The following DMD variants were observed in gnomAD, a reference collection of about 807,000 sequenced individuals.
DMD encodes mutant dystrophin.
A neutral mutation model predicts 330.1 loss-of-function variants in DMD; 63 were observed. The ratio of observed to expected loss-of-function variants is 0.19; its 90% CI spans 0.16 to 0.24. DMD has a LOEUF of 0.24. Ranked by LOEUF, DMD falls within the 10% of genes least tolerant of loss-of-function variation. DMD has a pLI of 1.00. For missense variants in DMD, 3,344 were observed against 2,684.1 expected (o/e 1.25, Z -5.43); for synonymous variants, 1,223 against 959.8 (o/e 1.27, Z -5.07).
chrX:32,847,825 T>C lies in DMD; in HGVS notation c.186+1903A>G, dbSNP rs1296449130. 3.6e-5 allele frequency among the ~76,000 whole-genome samples: 4 copies of C among 112,435 alleles called. No individual in the cohort carries two copies. The East Asian group carries it at 1.1e-3, about 31-fold the overall frequency. ...GCTATTACTAATTAGGTTCATTTTG[T>C]CTTAGCGTCTATGTATGTATATGCA... On this transcript the variant is annotated intron_variant, in intron 3 of 78. Coordinates refer to ENST00000357033, the MANE Select transcript of DMD (RefSeq NM_004006.3).
At chrX:33,185,239 G>A (rs1357119858) in intron 1 of DMD, among the ~76,000 whole-genome samples, 1 of 111,285 alleles carries the variant, frequency 9.0e-6, no homozygotes, top group Non-Finnish European at 1.9e-5. Context: ...CTACAAAAAC[G>A]TTTTTAATAT....
chrX:31,700,026 A>G (rs1370151252), intron 52 of DMD, among the ~76,000 whole-genome samples: 1 of 110,278 alleles, frequency 9.1e-6, no homozygotes, highest in Non-Finnish European at 1.9e-5. Context: ...TCTGTACTAA[A>G]AATACAAAAA....
intron 2 of DMD, among the ~76,000 whole-genome samples, chrX:32,959,440 A>G (rs12390820): frequency 0.37 from 41,219 of 110,443 alleles, 6,738 homozygotes; most frequent in African/African-American, 0.64. Context: ...CATTGTCTTG[A>G]GGATTTTATC....
intron 4 of DMD, among the ~76,000 whole-genome samples, chrX:32,843,712 C>A (rs1336077069): frequency 9.0e-6 from 1 of 111,607 alleles, no homozygotes; most frequent in South Asian, 3.7e-4. Context: ...TAGGGAGCTA[C>A]TAAGTGCCTG....
chrX:32,435,531 A>C (rs770085087), intron 29 of DMD, among the ~76,000 whole-genome samples: 1 of 109,924 alleles, frequency 9.1e-6, no homozygotes, highest in South Asian at 4.0e-4. Flanking sequence ...ACTCAAAATC[A>C]CATAGCCAGT....
At chrX:33,216,647 T>C (rs1047159293) in intron 1 of DMD, among the ~76,000 whole-genome samples, 1 of 112,395 alleles carries the variant, frequency 8.9e-6, no homozygotes, top group Non-Finnish European at 1.9e-5. Flanking sequence ...TACAATTGTT[T>C]ACAGATGAAT....
At chrX:32,880,820 T>C (rs984492584) in intron 2 of DMD, among the ~76,000 whole-genome samples, 4 of 112,171 alleles carry the variant, frequency 3.6e-5, no homozygotes, top group African/African-American at 9.7e-5. Context: ...GACGCATGCC[T>C]GTAATCCCAG....
intron 2 of DMD, among the ~76,000 whole-genome samples, chrX:32,938,239 A>G (rs779800412): frequency 4.0e-4 from 45 of 111,733 alleles, no homozygotes; most frequent in African/African-American, 1.3e-3. Context: ...ATAATATTAT[A>G]TATGAAAAGG....
intron 73 of DMD, among the ~76,000 whole-genome samples, chrX:31,170,403 C>G (rs2039875571): frequency 9.0e-6 from 1 of 111,002 alleles, no homozygotes; most frequent in East Asian, 2.8e-4. Flanking sequence ...TAGGAACTCT[C>G]TAATACACAG....
chrX:31,873,872 C>A (rs1173929988), intron 48 of DMD, among the ~76,000 whole-genome samples: 4 of 111,519 alleles, frequency 3.6e-5, no homozygotes, highest in Non-Finnish European at 7.5e-5. Flanking sequence ...TTCTGGGTGT[C>A]TTGGTACTGT....
intron 55 of DMD, among the ~76,000 whole-genome samples, chrX:31,546,107 G>A (rs1163512657): frequency 8.9e-6 from 1 of 112,356 alleles, no homozygotes; most frequent in South Asian, 3.7e-4. Flanking sequence ...ATGGATTCCT[G>A]TATTAGATGA....
intron 37 of DMD, among the ~76,000 whole-genome samples, chrX:32,351,941 T>C (rs1230574992): frequency 9.0e-6 from 1 of 110,876 alleles, no homozygotes; most frequent in African/African-American, 3.3e-5. Flanking sequence ...TAGACTTCTT[T>C]AGTTCAATGT....
In DMD at chrX:32,505,519, C is replaced by T. The variant is rs1323789195; in HGVS notation, c.2293-3677G>A. On this transcript the variant is annotated intron_variant, in intron 18 of 78. Coordinates refer to ENST00000357033, the MANE Select transcript of DMD (RefSeq NM_004006.3). Reference sequence around the variant, plus strand: ...CAAGAACACTGACAAAACCAAAAGCCGACAGAGAAATGGGGCAATGGGAAC... The same window carrying T: ...CAAGAACACTGACAAAACCAAAAGCTGACAGAGAAATGGGGCAATGGGAAC... Among the ~76,000 whole-genome samples, 3 of 112,050 alleles carry T rather than the reference C, an allele frequency of 2.7e-5. No homozygotes were observed. The Admixed American group carries it at 2.8e-4, about 11-fold the overall frequency.
intron 43 of DMD, among the ~76,000 whole-genome samples, chrX:32,218,691 C>T (rs2097122327): frequency 8.9e-6 from 1 of 111,869 alleles, no homozygotes; most frequent in Non-Finnish European, 1.9e-5. Flanking sequence ...CACATCATTT[C>T]ATTGACACCT....
intron 41 of DMD, among the ~76,000 whole-genome samples, chrX:32,331,006 T>C (rs1005174960): frequency 9.8e-5 from 11 of 111,725 alleles, no homozygotes. Flanking sequence ...TAAGTAAAAC[T>C]ACATCTTGAT....
At chrX:32,490,749 G>A (rs932227841) in intron 20 of DMD, among the ~76,000 whole-genome samples, 1 of 111,753 alleles carries the variant, frequency 8.9e-6, no homozygotes, top group Non-Finnish European at 1.9e-5. Flanking sequence ...ACACTATCCG[G>A]TGTGGTTCCT....
chrX:32,511,528 A>G (rs1214142822), intron 18 of DMD, among the ~76,000 whole-genome samples: 2 of 104,932 alleles, frequency 1.9e-5, no homozygotes, highest in African/African-American at 6.9e-5. Context: ...TCTCGGGAAA[A>G]AAAAAAAAAA....
intron 42 of DMD, among the ~76,000 whole-genome samples, chrX:32,302,020 T>C (rs142451921): frequency 2.9e-3 from 328 of 111,401 alleles, no homozygotes; most frequent in African/African-American, 8.7e-3. Flanking sequence ...ATTTGTTTTA[T>C]ACCTTAAATA....
At chrX:32,738,031 G>T (rs997932336) in intron 7 of DMD, among the ~76,000 whole-genome samples, 1 of 111,747 alleles carries the variant, frequency 8.9e-6, no homozygotes, top group Non-Finnish European at 1.9e-5. Flanking sequence ...GTCTATAGAA[G>T]CAAAAGCCTA....
Sources: gnomAD v4.1 joint callset for allele counts (sites outside exome capture counted in the v4.1 genomes callset) on GRCh38, gnomAD v4.1.1 for gene constraint, MANE v1.5 for transcripts, NCBI Gene and HGNC (gene_info 2026-07-23, HGNC 2026-07-21) for gene names.